GTF2A2: variants seen among roughly 807,000 people sequenced by gnomAD.
GTF2A2 encodes the protein transcription initiation factor IIA subunit 2.
A neutral mutation model predicts 14.3 loss-of-function variants in GTF2A2; 9 were observed. The observed-to-expected ratio is 0.63, with a 90% CI of 0.38 to 1.10. The LOEUF is 1.10. GTF2A2 is among the 50% of genes least tolerant of loss of function. GTF2A2 has a pLI of 0.01. For missense variants in GTF2A2, 90 were observed against 124.6 expected (o/e 0.72, Z 1.32); for synonymous variants, 56 against 46.0 (o/e 1.22, Z -0.88).
chr15:59,640,490 C>T (rs1252490425), intron 4 of GTF2A2, among the ~76,000 whole-genome samples: 2 of 152,120 alleles, frequency 1.3e-5, no homozygotes, highest in Non-Finnish European at 2.9e-5. Context: ...CACTGGCTAG[C>T]CATATGTGGC....
chr15:59,650,617 G>C, intron 3 of GTF2A2, 52 bp downstream of exon 3: 1 of 994,476 alleles, frequency 1.0e-6, no homozygotes, highest in East Asian at 2.4e-5. Flanking sequence ...AAAAAAATCA[G>C]TGTTTTAACA....
intron 3 of GTF2A2, among the ~76,000 whole-genome samples, chr15:59,649,880 A>G (rs1209800323): frequency 6.6e-6 from 1 of 152,236 alleles, no homozygotes; most frequent in Non-Finnish European, 1.5e-5. Flanking sequence ...CAAATGAAGT[A>G]GGCAGATGTT....
chr15:59,639,332 G>GTTTCCTTTTAAGCAGAGAT (rs1443216963), intron 4 of GTF2A2, among the ~76,000 whole-genome samples, 175 bp from the exon 5 acceptor site: 1 of 151,954 alleles, frequency 6.6e-6, no homozygotes, highest in African/African-American at 2.4e-5. Flanking sequence ...ACTTCAGTAA[G>GTTTCCTTTTAAGCAGAGAT]TTTCCTTTTA....
intron 3 of GTF2A2, among the ~76,000 whole-genome samples, chr15:59,648,136 C>G (rs1209431105): frequency 7.2e-5 from 11 of 151,960 alleles, no homozygotes; most frequent in South Asian, 2.1e-4. Context: ...TGGCCGGGTG[C>G]GGTACCTCAC....
At chr15:59,645,116 CAG>C (rs1891559035) in intron 3 of GTF2A2, among the ~76,000 whole-genome samples, 1 of 152,076 alleles carries the variant, frequency 6.6e-6, no homozygotes, top group African/African-American at 2.4e-5. Flanking sequence ...GGTTGGGGGA[CAG>C]AGAAATCCAC....
Position 59,652,294 on chromosome 15 carries a change from T to C in GTF2A2, c.-17A>G. ...ATATGCCATGGCTTAGGAGGAAGAA[T>C]TTGTTTTTCTTATTCAAGCTTGCAT... On this transcript the variant is annotated 5_prime_UTR_variant, in exon 2 of 5. Transcript: ENST00000396060. The C allele has an allele frequency of 6.8e-7, 1 of 1,473,500 alleles. No individual in the cohort carries two copies. The highest frequency in any genetic ancestry group is 9.4e-7 in the Non-Finnish European group (1 of 1,065,858). 91.3% of individuals were successfully genotyped at this position (1,473,500 alleles called of 1,614,324 possible).
rs398043378 is a variant in GTF2A2, at chr15:59,643,072, ATTTTTTT to A, written c.178-817_178-811del. 8.4e-4 allele frequency among the ~76,000 whole-genome samples: 54 copies of A among 64,104 alleles called. No homozygotes were observed. In the East Asian group the frequency reaches 0.015, roughly 17 times the overall value. The allele number at this position is 64,104 out of a possible 152,430, so 42.1% of individuals were successfully genotyped here. ...TGAACCACCGCGCCTGGCCTATATA[ATTTTTTT>A]TTTTTTTTTTTTTTTTTTGAGACAG... On this transcript the variant is annotated intron_variant, in intron 3 of 4. Transcript: ENST00000396060.
At chr15:59,641,340 A>AT (rs1359650368) in intron 4 of GTF2A2, among the ~76,000 whole-genome samples, 1 of 152,102 alleles carries the variant, frequency 6.6e-6, no homozygotes, top group Non-Finnish European at 1.5e-5. Flanking sequence ...TATTCTCTAC[A>AT]TTTTTTCAGT....
At position 59,639,021 on chromosome 15, in the gene GTF2A2, C is replaced by T. The variant is rs1891285376; in HGVS notation, c.*111G>A. 2 of 712,680 alleles carry T rather than the reference C, an allele frequency of 2.8e-6. No homozygotes were observed. Among genetic ancestry groups the T allele is most frequent in the Admixed American group, 4.3e-5 (2 of 46,358 alleles). The allele number at this position is 712,680 out of a possible 1,614,324, so 44.1% of individuals were successfully genotyped here. A position where few individuals can be genotyped will look rare whatever the true frequency, so the allele number is the denominator to read the frequency against. Reference sequence around the variant, plus strand: ...TTTCTACTGGAATTCTCTGGTATAGCACAGTGTAGTCATTTCTGCAATTCT... The same window carrying T: ...TTTCTACTGGAATTCTCTGGTATAGTACAGTGTAGTCATTTCTGCAATTCT... On this transcript the variant is annotated 3_prime_UTR_variant, in exon 5 of 5. Coordinates refer to ENST00000396060, the MANE Select transcript of GTF2A2 (RefSeq NM_004492.3).
intron 3 of GTF2A2, 128 bp downstream of exon 3, chr15:59,650,541 A>G (rs1425738615): frequency 3.5e-6 from 2 of 572,156 alleles, no homozygotes; most frequent in East Asian, 2.8e-5. Flanking sequence ...TTACTATAAA[A>G]CAAGTTCCAA....
chr15:59,645,256 G>T (rs138379450), intron 3 of GTF2A2, among the ~76,000 whole-genome samples: 1 of 152,186 alleles, frequency 6.6e-6, no homozygotes, highest in Non-Finnish European at 1.5e-5. Flanking sequence ...TAAGTAATTG[G>T]AGTATAGGAG....
At chr15:59,653,758 G>A (rs1219356877) in intron 1 of GTF2A2, among the ~76,000 whole-genome samples, 1 of 152,128 alleles carries the variant, frequency 6.6e-6, no homozygotes, top group African/African-American at 2.4e-5. Flanking sequence ...AAAATATCAA[G>A]TAGGTAGCTC....
At chr15:59,656,286 T>C (rs568025281) in intron 1 of GTF2A2, among the ~76,000 whole-genome samples, 63 of 152,348 alleles carry the variant, frequency 4.1e-4, no homozygotes, top group African/African-American at 1.5e-3. Context: ...CTTCCTGATA[T>C]TTACTTAGCA....
chr15:59,656,648 G>A (rs1891952230), intron 1 of GTF2A2, among the ~76,000 whole-genome samples: 1 of 152,156 alleles, frequency 6.6e-6, no homozygotes, highest in Non-Finnish European at 1.5e-5. Context: ...CGTGTGGGAG[G>A]GGAGAGGGGG....
chr15:59,654,892 C>T lies in GTF2A2; in HGVS notation c.-50+2514G>A, dbSNP rs147340527. Among the ~76,000 whole-genome samples, 1,121 of 152,252 alleles carry T rather than the reference C, an allele frequency of 7.4e-3. 9 individuals are homozygous for T. Among genetic ancestry groups the T allele is most frequent in the African/African-American group, 0.026 (1,073 of 41,548 alleles). ...ACTTAGTGATTGAGTACCCCAAATT[C>T]AAGCTCTGAAATGCTCCAAAGAGCA... On this transcript the variant is annotated intron_variant, in intron 1 of 4. Coordinates refer to ENST00000396060, the MANE Select transcript of GTF2A2 (RefSeq NM_004492.3).
chr15:59,645,953 G>C (rs1379972174), intron 3 of GTF2A2, among the ~76,000 whole-genome samples: 2 of 150,722 alleles, frequency 1.3e-5, no homozygotes, highest in African/African-American at 4.9e-5. Flanking sequence ...AGAATCGCTT[G>C]AACCCAGGAG....
At chr15:59,650,875 C>G (rs903578424) in intron 2 of GTF2A2, 102 bp from the exon 3 acceptor site, 33 of 654,716 alleles carry the variant, frequency 5.0e-5, no homozygotes, top group Admixed American at 1.1e-4. Flanking sequence ...TGAGGTTAAC[C>G]AAAGCCTCTA....
In GTF2A2 at chr15:59,652,293, ATTTG is replaced by A. The variant is rs766463653; in HGVS notation, c.-20_-17del. On this transcript the variant is annotated 5_prime_UTR_variant, in exon 2 of 5. Coordinates refer to ENST00000396060, the MANE Select transcript of GTF2A2 (RefSeq NM_004492.3). ...GATATGCCATGGCTTAGGAGGAAGA[ATTTG>A]TTTTTCTTATTCAAGCTTGCATTGA... 4 of 1,520,968 alleles carry A rather than the reference ATTTG, an allele frequency of 2.6e-6. No individual in the cohort carries two copies. The African/African-American group carries it at 4.1e-5, about 16-fold the overall frequency. The allele number at this position is 1,520,968 out of a possible 1,614,324, so 94.2% of individuals were successfully genotyped here. A position where few individuals can be genotyped will look rare whatever the true frequency, so the allele number is the denominator to read the frequency against.
At chr15:59,639,317 G>A (rs1468121039) in intron 4 of GTF2A2, among the ~76,000 whole-genome samples, 160 bp from the exon 5 acceptor site, 6 of 152,022 alleles carry the variant, frequency 3.9e-5, no homozygotes, top group Non-Finnish European at 8.8e-5. Flanking sequence ...CTGTAAATAT[G>A]TTGAACTTCA....
Sources: allele counts gnomAD v4.1 joint callset (sites outside exome capture counted in the v4.1 genomes callset), GRCh38; gene constraint gnomAD v4.1.1; transcripts MANE v1.5; gene names NCBI Gene and HGNC (gene_info 2026-07-23, HGNC 2026-07-21).